Variants in ADRA2B observed in about 807,000 individuals in gnomAD.
ADRA2B encodes adrenoceptor alpha 2B.
A neutral mutation model predicts 14.4 loss-of-function variants in ADRA2B; 14 were observed. That is an observed-to-expected ratio of 0.97 (90% CI 0.64 to 1.52). The LOEUF is 1.52. Among genes scored for constraint, ADRA2B ranks in the 40% most tolerant of loss-of-function variants. The probability of loss-of-function intolerance (pLI) is 0.00; values close to 1 mark genes in which losing one functional copy is unlikely to be tolerated. For missense variants in ADRA2B, 606 were observed against 603.2 expected (o/e 1.00, Z -0.05); for synonymous variants, 250 against 263.7 (o/e 0.95, Z 0.50).
In ADRA2B at chr2:96,114,222, G is replaced by A. The variant is rs1274689786; in HGVS notation, c.*575C>T. Reference sequence around the variant, plus strand: ...CGAAAACAGGCAAAGGGGGAAAGGAGGGCCCAGAGACGATGCCACCCCATA... The same window carrying A: ...CGAAAACAGGCAAAGGGGGAAAGGAAGGCCCAGAGACGATGCCACCCCATA... On this transcript the variant is annotated 3_prime_UTR_variant, in exon 1 of 1. Transcript: ENST00000620793. 2.0e-6 allele frequency: 2 copies of A among 985,994 alleles called. No homozygotes were observed. Among genetic ancestry groups the A allele is most frequent in the Non-Finnish European group, 2.4e-6 (2 of 830,450 alleles). 61.1% of individuals were successfully genotyped at this position (985,994 alleles called of 1,614,324 possible).
In ADRA2B at chr2:96,115,520, C is replaced by G. The variant is rs748489469; in HGVS notation, c.630G>C (p.Lys210Asn). 8.7e-6 allele frequency: 14 copies of G among 1,613,702 alleles called. No homozygotes were observed. The African/African-American group carries it at 1.2e-4, about 14-fold the overall frequency. The change falls in exon 1 of 1, where the codon AAG (lysine) becomes AAC (asparagine). Residue 210 changes from lysine to asparagine, a missense_variant. Coordinates refer to ENST00000620793, the MANE Select transcript of ADRA2B (RefSeq NM_000682.7). ...TGGACTCACCCTGCCCAGGCCCCCC[C>G]TTGGCCCTGGGACCTCTGCGGTTGC... ...KRSNRRGPRA[K>N]GGPGQGESKQ...
Position 96,116,052 on chromosome 2 carries a change from A to C in ADRA2B, c.98T>G (p.Val33Gly). Reference sequence around the variant, plus strand: ...GCGGCTGGTCAACACAGCCAGGATGACCAGAGCGTTGCCGAAGATGGTAAA... The same window carrying C: ...GCGGCTGGTCAACACAGCCAGGATGCCCAGAGCGTTGCCGAAGATGGTAAA... ...ILFTIFGNALVILAVLTSRSL... is the reference protein window; with the variant it reads ...ILFTIFGNALGILAVLTSRSL... The change falls in exon 1 of 1, where the codon GTC becomes GGC. Residue 33 changes from valine to glycine, a missense_variant. Transcript: ENST00000620793. The C allele has an allele frequency of 6.2e-7, 1 of 1,613,312 alleles. No individual in the cohort carries two copies. The highest frequency in any genetic ancestry group is 8.5e-7 in the Non-Finnish European group (1 of 1,179,738).
Position 96,115,297 on chromosome 2 carries a change from T to C in ADRA2B, c.853A>G (p.Lys285Glu). ...GGAGATGCCCCACAAACACCCTCCT[T>C]CTGGCCCTGGCCTGAGTTGGGAAGG... is the stretch of plus-strand genomic sequence containing the variant. ...AALPNSGQGQKEGVCGASPED... is the reference protein window; with the variant it reads ...AALPNSGQGQEEGVCGASPED... Residue 285 changes from lysine (K) to glutamate (E), a missense_variant, in exon 1 of 1, where the codon AAG (lysine) becomes GAG (glutamate). Lys to Glu is a moderately conservative substitution (Grantham distance 56). Transcript: ENST00000620793. 4.4e-6 allele frequency: 7 copies of C among 1,585,810 alleles called. No individual in the cohort carries two copies. The highest frequency in any genetic ancestry group is 6.0e-6 in the Non-Finnish European group (7 of 1,165,272).
At position 96,116,153 on chromosome 2, in the gene ADRA2B, G is replaced by A. The variant is rs758564338; in HGVS notation, c.-4C>T. On this transcript the variant is annotated 5_prime_UTR_variant, in exon 1 of 1. Coordinates refer to ENST00000620793, the MANE Select transcript of ADRA2B (RefSeq NM_000682.7). ...AGTAGGGGTCCTGGTGGTCCATGAC[G>A]GGGCGGGAGGTGGGCAGAGGGAGCG... The A allele has an allele frequency of 1.2e-6, 2 of 1,605,814 alleles. No homozygotes were observed. The highest frequency in any genetic ancestry group is 1.1e-5 in the South Asian group (1 of 89,580).
rs751524670 is a variant in ADRA2B at position 96,116,115 on chromosome 2, G to A, written c.35C>T (p.Thr12Ile). The change falls in exon 1 of 1, where the codon ACA (threonine) becomes ATA (isoleucine). Residue 12 changes from threonine to isoleucine, a missense_variant. By Grantham distance (89) the Thr-to-Ile change is moderately conservative. Transcript: ENST00000620793. ...DHQDPYSVQATAAIAAAITFL... is the reference protein window; with the variant it reads ...DHQDPYSVQAIAAIAAAITFL... ...GGTGATGGCCGCCGCTATGGCCGCT[G>A]TGGCCTGCACGGAGTAGGGGTCCTG... 9 of 1,611,780 alleles carry A rather than the reference G, an allele frequency of 5.6e-6. No homozygotes were observed. The highest frequency in any genetic ancestry group is 5.5e-5 in the South Asian group (5 of 90,652).
Position 96,115,767 on chromosome 2 carries a change from C to A in ADRA2B, c.383G>T (p.Arg128Leu). 1.9e-6 allele frequency: 3 copies of A among 1,612,716 alleles called. No individual in the cohort carries two copies. Among genetic ancestry groups the A allele is most frequent in the Non-Finnish European group, 2.5e-6 (3 of 1,179,314 alleles). The change falls in exon 1 of 1, where the codon CGC (arginine) becomes CTC (leucine). Residue 128 changes from arginine (R) to leucine (L), a missense_variant. Coordinates refer to ENST00000620793, the MANE Select transcript of ADRA2B (RefSeq NM_000682.7). Reference sequence around the variant, plus strand: ...CACAGTGAGGATGATGCACTTGATGCGGCGCGGGGTGCGCTTGGAGTTGTA... The same window carrying A: ...CACAGTGAGGATGATGCACTTGATGAGGCGCGGGGTGCGCTTGGAGTTGTA... ...LEYNSKRTPRRIKCIILTVWL... is the reference protein window; with the variant it reads ...LEYNSKRTPRLIKCIILTVWL...
In ADRA2B at chr2:96,114,589, C is replaced by G. The variant is rs1467462425; in HGVS notation, c.*208G>C. On this transcript the variant is annotated 3_prime_UTR_variant, in exon 1 of 1. Coordinates refer to ENST00000620793, the MANE Select transcript of ADRA2B (RefSeq NM_000682.7). ...CAGGGAGAGGGTGGAGAAGGGGTCC[C>G]CCACAGCTAAGCCGGCAAGGGGAAG... is the stretch of plus-strand genomic sequence containing the variant. 1 of 1,414,768 alleles carries G rather than the reference C, an allele frequency of 7.1e-7. No homozygotes were observed. Among genetic ancestry groups the G allele is most frequent in the African/African-American group, 1.4e-5 (1 of 69,290 alleles). The allele number at this position is 1,414,768 out of a possible 1,614,324, so 87.6% of individuals were successfully genotyped here. A position where few individuals can be genotyped will look rare whatever the true frequency, so the allele number is the denominator to read the frequency against.
In ADRA2B at chr2:96,114,950, G is replaced by A. The variant is rs1681828707; in HGVS notation, c.1200C>T (p.His400=). The A allele has an allele frequency of 6.2e-7, 1 of 1,613,660 alleles. No homozygotes were observed. Among genetic ancestry groups the A allele is most frequent in the Middle Eastern group, 1.6e-4 (1 of 6,062 alleles). Residue 400 remains histidine (H), a synonymous_variant, in exon 1 of 1, where the codon CAC becomes CAT. Transcript: ENST00000620793. ...GGAAGAGGCCATGGGGCACCTTGCA[G>A]TGCTTCGGGCAGATGGCTCCCAGGC... ...SYSLGAICPK[H]CKVPHGLFQF... is the part of the protein sequence containing the mutation.
rs370754756 is a variant in ADRA2B, at chr2:96,116,091, G to A, written c.59C>T (p.Thr20Ile). The change falls in exon 1 of 1, where the codon ACC (threonine) becomes ATC (isoleucine). Residue 20 changes from threonine to isoleucine, a missense_variant. By Grantham distance (89) the Thr-to-Ile change is moderately conservative (BLOSUM62 -1). Transcript: ENST00000620793. ...GAAGATGGTAAAGAGAATGAGGAAG[G>A]TGATGGCCGCCGCTATGGCCGCTGT... Reference protein sequence around the residue: ...QATAAIAAAITFLILFTIFGN... With the variant: ...QATAAIAAAIIFLILFTIFGN... 3 of 1,612,232 alleles carry A rather than the reference G, an allele frequency of 1.9e-6. No individual in the cohort carries two copies. Among genetic ancestry groups the A allele is most frequent in the Non-Finnish European group, 2.5e-6 (3 of 1,179,508 alleles).
rs759399024 is a variant in ADRA2B, at chr2:96,115,434, G to A, written c.716C>T (p.Ser239Phe). Residue 239 changes from serine (S) to phenylalanine (F), a missense_variant, in exon 1 of 1, where the codon TCT becomes TTT. Transcript: ENST00000620793. ...LASAKLPALA[S>F]VASAREVNGH... ...GTTGACCTCTCTGGCAGAAGCCACA[G>A]AGGCCAGGGCTGGCAGTTTGGCTGA... The A allele has an allele frequency of 6.2e-7, 1 of 1,611,736 alleles. No homozygotes were observed. The highest frequency in any genetic ancestry group is 1.7e-5 in the Admixed American group (1 of 59,986).
In ADRA2B at chr2:96,113,050, C is replaced by T. The variant is rs1007828158; in HGVS notation, c.*1747G>A. The T allele has an allele frequency of 7.5e-6, 3 of 398,438 alleles. No individual in the cohort carries two copies. Among genetic ancestry groups the T allele is most frequent in the Non-Finnish European group, 4.4e-6 (1 of 226,008 alleles). 24.7% of individuals were successfully genotyped at this position (398,438 alleles called of 1,614,324 possible). A position where few individuals can be genotyped will look rare whatever the true frequency, so the allele number is the denominator to read the frequency against. ...GTCCCTCTCCTGGCCCAGCTCCCCA[C>T]CACATCCCAGGGCGATACTCTGGCC... is the stretch of plus-strand genomic sequence containing the variant. On this transcript the variant is annotated 3_prime_UTR_variant, in exon 1 of 1. Coordinates refer to ENST00000620793, the MANE Select transcript of ADRA2B (RefSeq NM_000682.7).
chr2:96,115,795 C>A lies in ADRA2B; in HGVS notation c.355G>T (p.Glu119Ter). Residue 119 changes from glutamate to a stop codon, truncating the protein, a stop_gained, in exon 1 of 1, where the codon GAG (glutamate) becomes TAG (stop). Transcript: ENST00000620793. LOFTEE classifies it low-confidence loss of function (END_TRUNC). ...CGCGGGGTGCGCTTGGAGTTGTACT[C>A]CAGCGCGCGGCTCACGGCCCAGTAG... The part of the protein sequence containing the change: ...DRYWAVSRAL[E>*]YNSKRTPRRI... The A allele has an allele frequency of 6.2e-7, 1 of 1,613,188 alleles. No homozygotes were observed. The highest frequency in any genetic ancestry group is 1.3e-5 in the African/African-American group (1 of 75,050).
chr2:96,114,575 T>G lies in ADRA2B; in HGVS notation c.*222A>C. On this transcript the variant is annotated 3_prime_UTR_variant, in exon 1 of 1. Transcript: ENST00000620793. ...CATCGGCCTGTGCTCAGGGAGAGGGTGGAGAAGGGGTCCCCCACAGCTAAG... is the reference window on the plus strand; with the variant it reads ...CATCGGCCTGTGCTCAGGGAGAGGGGGGAGAAGGGGTCCCCCACAGCTAAG... The G allele has an allele frequency of 7.1e-7, 1 of 1,399,300 alleles. No homozygotes were observed. The highest frequency in any genetic ancestry group is 1.6e-5 in the South Asian group (1 of 62,926). 86.7% of individuals were successfully genotyped at this position (1,399,300 alleles called of 1,614,324 possible).
chr2:96,116,065 C>T lies in ADRA2B; in HGVS notation c.85G>A (p.Gly29Ser). The part of the protein sequence containing the change: ...ITFLILFTIF[G>S]NALVILAVLT... The stretch of plus-strand genomic sequence containing the variant: ...ACAGCCAGGATGACCAGAGCGTTGC[C>T]GAAGATGGTAAAGAGAATGAGGAAG... Residue 29 changes from glycine (G) to serine (S), a missense_variant, in exon 1 of 1, where the codon GGC becomes AGC. Coordinates refer to ENST00000620793, the MANE Select transcript of ADRA2B (RefSeq NM_000682.7). 1.9e-6 allele frequency: 3 copies of T among 1,612,880 alleles called. No homozygotes were observed. Among genetic ancestry groups the T allele is most frequent in the Non-Finnish European group, 1.7e-6 (2 of 1,179,646 alleles).
chr2:96,113,713 G>A lies in ADRA2B; in HGVS notation c.*1084C>T, dbSNP rs1681799447. 1 of 210,100 alleles carries A rather than the reference G, an allele frequency of 4.8e-6. No homozygotes were observed. Among genetic ancestry groups the A allele is most frequent in the African/African-American group, 2.4e-5 (1 of 42,516 alleles). 13.0% of individuals were successfully genotyped at this position (210,100 alleles called of 1,614,324 possible). ...ACCCTCTTGGTGTTGCCGGTGAAATGTCGAAACGTTGTCATGTAGCGTAAT... is the reference window on the plus strand; with the variant it reads ...ACCCTCTTGGTGTTGCCGGTGAAATATCGAAACGTTGTCATGTAGCGTAAT... On this transcript the variant is annotated 3_prime_UTR_variant, in exon 1 of 1. Transcript: ENST00000620793.
chr2:96,115,917 C>T lies in ADRA2B; in HGVS notation c.233G>A (p.Trp78Ter). Residue 78 changes from tryptophan (W) to a stop codon, truncating the protein, a stop_gained, in exon 1 of 1, where the codon TGG becomes TAG. Transcript: ENST00000620793. LOFTEE classifies it low-confidence loss of function (END_TRUNC). ...CTCGCACCACGTGCGCCGGAAGTAC[C>T]AGTAGCCCAGCAGCTCGTTGGCCAG... ...FSLANELLGY[W>*]YFRRTWCEVY... The T allele has an allele frequency of 6.2e-7, 1 of 1,613,720 alleles. No homozygotes were observed.
In ADRA2B at chr2:96,115,873, C is replaced by T. The variant is rs1171946717; in HGVS notation, c.277G>A (p.Val93Met). The part of the protein sequence containing the change: ...TWCEVYLALD[V>M]LFCTSSIVHL... ...ACGATGGACGAGGTGCAGAAGAGCA[C>T]GTCGAGCGCCAGGTACACCTCGCAC... Residue 93 changes from valine to methionine, a missense_variant, in exon 1 of 1, where the codon GTG becomes ATG. Val to Met is a conservative substitution (Grantham distance 21, BLOSUM62 1). Transcript: ENST00000620793. The T allele has an allele frequency of 3.7e-6, 6 of 1,613,316 alleles. No homozygotes were observed. Among genetic ancestry groups the T allele is most frequent in the Non-Finnish European group, 5.1e-6 (6 of 1,179,648 alleles).
In ADRA2B at chr2:96,114,377, T is replaced by TG. The variant is rs1398481186; in HGVS notation, c.*419dup. On this transcript the variant is annotated 3_prime_UTR_variant, in exon 1 of 1. Transcript: ENST00000620793. ...AGGCTGGCTCCGTGCTCTTTGTGGG[T>TG]GGGGGGGAGATGAAAAAGAAACGAA... 1.8e-5 allele frequency: 18 copies of TG among 999,090 alleles called. No homozygotes were observed. The East Asian group carries it at 3.2e-4, about 18-fold the overall frequency. The allele number at this position is 999,090 out of a possible 1,614,324, so 61.9% of individuals were successfully genotyped here.
At position 96,114,476 on chromosome 2, in the gene ADRA2B, G is replaced by A; in HGVS notation, c.*321C>T. On this transcript the variant is annotated 3_prime_UTR_variant, in exon 1 of 1. Coordinates refer to ENST00000620793, the MANE Select transcript of ADRA2B (RefSeq NM_000682.7). ...GGAAGCCCAGACATTGGTCTGGAGA[G>A]CATGGGGCTCTGGGAAGAAAGTGCT... 1 of 1,153,234 alleles carries A rather than the reference G, an allele frequency of 8.7e-7. No homozygotes were observed. Among genetic ancestry groups the A allele is most frequent in the Non-Finnish European group, 1.1e-6 (1 of 933,172 alleles). The allele number at this position is 1,153,234 out of a possible 1,614,324, so 71.4% of individuals were successfully genotyped here. A position where few individuals can be genotyped will look rare whatever the true frequency, so the allele number is the denominator to read the frequency against.
Sources: gnomAD v4.1 joint callset for allele counts on GRCh38, gnomAD v4.1.1 for gene constraint, MANE v1.5 for transcripts, NCBI Gene and HGNC (gene_info 2026-07-23, HGNC 2026-07-21) for gene names.